CPAP: variants seen among roughly 807,000 people sequenced by gnomAD.
CPAP encodes the protein centrosomal P4.1-associated protein.
At chr13:24,904,840 T>G in the CPAP span, among the ~76,000 whole-genome samples, 1 of 152,226 alleles carries the variant, frequency 6.6e-6, no homozygotes, top group South Asian at 2.1e-4. Context: ...GAAAGGAATC[T>G]TTCAGGGTGA....
chr13:24,926,162 C>G, the CPAP span, among the ~76,000 whole-genome samples: 1 of 152,094 alleles, frequency 6.6e-6, no homozygotes, highest in Non-Finnish European at 1.5e-5. Flanking sequence ...ACGATGGAAC[C>G]CCCAAAAATG....
chr13:24,907,891 A>T, the CPAP span: 1 of 712,810 alleles, frequency 1.4e-6, no homozygotes, highest in Non-Finnish European at 2.5e-6. Context: ...TTGTATCTTT[A>T]ACCTTAAAAG....
chr13:24,903,791 T>A, the CPAP span: 1 of 1,025,768 alleles, frequency 9.7e-7, no homozygotes, highest in African/African-American at 1.6e-5. Flanking sequence ...AAAAAACTTA[T>A]ATGATACAGA....
the CPAP span, among the ~76,000 whole-genome samples, chr13:24,910,901 G>A: frequency 5.3e-3 from 808 of 152,182 alleles, 21 homozygotes; most frequent in East Asian, 0.081. Flanking sequence ...TTGTTTATGT[G>A]CTACAATTTC....
At chr13:24,883,400 A>T in the CPAP span, 4 of 942,738 alleles carry the variant, frequency 4.2e-6, no homozygotes, top group Non-Finnish European at 5.9e-6. Flanking sequence ...ATGATTTCTT[A>T]AAAAAAAAAT....
the CPAP span, among the ~76,000 whole-genome samples, chr13:24,920,361 G>A: frequency 1.3e-5 from 2 of 152,094 alleles, no homozygotes; most frequent in Non-Finnish European, 2.9e-5. Flanking sequence ...TTTTGCCATC[G>A]CTCCCTGGTT....
the CPAP span, among the ~76,000 whole-genome samples, chr13:24,898,055 G>A: frequency 1.1e-4 from 16 of 152,026 alleles, no homozygotes; most frequent in Non-Finnish European, 1.6e-4. Context: ...CACGACACCC[G>A]GCTAATTTTT....
the CPAP span, chr13:24,883,088 A>G: frequency 8.5e-7 from 1 of 1,182,420 alleles, no homozygotes; most frequent in African/African-American, 1.5e-5. Flanking sequence ...CCCCACACAT[A>G]CACAATAAAT....
the CPAP span, chr13:24,912,661 T>C: frequency 6.2e-7 from 1 of 1,613,618 alleles, no homozygotes; most frequent in Non-Finnish European, 8.5e-7. Context: ...GAAGTCATTT[T>C]TGTTTTCTTC....
chr13:24,912,936 T>C, the CPAP span: 1 of 1,614,238 alleles, frequency 6.2e-7, no homozygotes, highest in Non-Finnish European at 8.5e-7. Context: ...CACGATTTAA[T>C]ATGACCCCAG....
the CPAP span, chr13:24,907,220 C>T: frequency 6.6e-7 from 1 of 1,515,448 alleles, no homozygotes; most frequent in Non-Finnish European, 9.2e-7. Context: ...AGTTATTTAA[C>T]ATGCAAATCA....
chr13:24,921,292 C>G, the CPAP span, among the ~76,000 whole-genome samples: 1 of 152,210 alleles, frequency 6.6e-6, no homozygotes, highest in Non-Finnish European at 1.5e-5. Context: ...TTAGGAGAAC[C>G]AATGAACTTT....
At chr13:24,883,513 C>T in the CPAP span, 1 of 639,632 alleles carries the variant, frequency 1.6e-6, no homozygotes, top group Non-Finnish European at 2.7e-6. Context: ...TTGTAACTTT[C>T]TACAGTGTTT....
chr13:24,912,304 G>T, the CPAP span, among the ~76,000 whole-genome samples: 1 of 152,262 alleles, frequency 6.6e-6, no homozygotes, highest in Non-Finnish European at 1.5e-5. Context: ...TCCTTTGATT[G>T]TTAAAATAGG....
the CPAP span, among the ~76,000 whole-genome samples, chr13:24,891,248 C>T: frequency 1.3e-5 from 2 of 152,092 alleles, no homozygotes; most frequent in African/African-American, 4.8e-5. Flanking sequence ...TCCTGGCCTC[C>T]TGCTCTCTAG....
At chr13:24,932,203 G>A in the CPAP span, among the ~76,000 whole-genome samples, 1 of 152,176 alleles carries the variant, frequency 6.6e-6, no homozygotes, top group African/African-American at 2.4e-5. Context: ...CTCGGGAACC[G>A]CTATCTCCAA....
chr13:24,894,269 G>A, the CPAP span, among the ~76,000 whole-genome samples: 1 of 152,244 alleles, frequency 6.6e-6, no homozygotes, highest in South Asian at 2.1e-4. Flanking sequence ...CAGGGACGGG[G>A]TAAGAGCGGA....
At chr13:24,884,425 C>T in the CPAP span, 1 of 1,614,060 alleles carries the variant, frequency 6.2e-7, no homozygotes, top group Admixed American at 1.7e-5. Context: ...CATTGGGAAA[C>T]AGTATAACAC....
the CPAP span, chr13:24,906,311 T>C: frequency 3.1e-6 from 5 of 1,604,024 alleles, no homozygotes; most frequent in Non-Finnish European, 3.4e-6. Flanking sequence ...CAAAAATTCA[T>C]CTAATTCCAA....
Sources: gnomAD v4.1 joint callset for allele counts (sites outside exome capture counted in the v4.1 genomes callset) on GRCh38, gnomAD v4.1.1 for gene constraint, MANE v1.5 for transcripts, NCBI Gene and HGNC (gene_info 2026-07-23, HGNC 2026-07-21) for gene names.